ZMIZ1: variants seen among roughly 807,000 people sequenced by gnomAD.
ZMIZ1 encodes zinc finger MIZ-type containing 1.
ZMIZ1 carries 17 observed loss-of-function variants against 113.9 expected under a neutral mutation model. The ratio of observed to expected loss-of-function variants is 0.15; its 90% CI spans 0.10 to 0.22. ZMIZ1 has a LOEUF of 0.22. Among genes scored for constraint, ZMIZ1 ranks in the 10% least tolerant of loss-of-function variants. ZMIZ1 has a pLI of 1.00. For synonymous variants in ZMIZ1, 607 were observed against 603.1 expected (o/e 1.01, Z -0.09); for missense variants, 1,059 against 1,477.8 (o/e 0.72, Z 4.65).
chr10:79,243,024 CG>C (rs1849939796), intron 7 of ZMIZ1, among the ~76,000 whole-genome samples: 1 of 122,258 alleles, frequency 8.2e-6, no homozygotes, highest in Non-Finnish European at 1.8e-5. Flanking sequence ...GCTCGCGGGG[CG>C]GGGAGGGCGC....
intron 18 of ZMIZ1, 152 bp downstream of exon 18, chr10:79,302,364 G>A: frequency 1.4e-6 from 1 of 734,550 alleles, no homozygotes; most frequent in Non-Finnish European, 2.3e-6. Flanking sequence ...CCTGTCCTGA[G>A]GCTCATGCCC....
chr10:79,290,189 C>T lies in ZMIZ1; in HGVS notation c.540+300C>T, dbSNP rs75386684. Among the ~76,000 whole-genome samples the T allele has an allele frequency of 2.1e-3, 317 of 152,324 alleles. 1 individual carries two copies. The highest frequency in any genetic ancestry group is 7.3e-3 in the African/African-American group (304 of 41,566). ...GCTCTGGTAAACAGGAGAACTTCCT[C>T]TGTGTTACTGGCTTCAGGGCTCCAA... On this transcript the variant is annotated intron_variant, in intron 9 of 24. Coordinates refer to ENST00000334512, the MANE Select transcript of ZMIZ1 (RefSeq NM_020338.4).
chr10:79,223,294 C>T (rs1305613385), intron 7 of ZMIZ1, among the ~76,000 whole-genome samples: 1 of 152,238 alleles, frequency 6.6e-6, no homozygotes. Flanking sequence ...TACCAGCTGC[C>T]GGTGCCCCAG....
At chr10:79,189,588 G>T (rs1847511996) in intron 4 of ZMIZ1, among the ~76,000 whole-genome samples, 1 of 152,222 alleles carries the variant, frequency 6.6e-6, no homozygotes, top group Admixed American at 6.5e-5. Flanking sequence ...AAGCCAGCAA[G>T]TGTCAGAGCC....
At chr10:79,180,235 C>A (rs1376578524) in intron 4 of ZMIZ1, among the ~76,000 whole-genome samples, 2 of 152,134 alleles carry the variant, frequency 1.3e-5, no homozygotes, top group Non-Finnish European at 2.9e-5. Context: ...CTGTGCACAC[C>A]CAAGCACACC....
chr10:79,172,069 C>T (rs1298669637), intron 4 of ZMIZ1, among the ~76,000 whole-genome samples: 1 of 152,156 alleles, frequency 6.6e-6, no homozygotes, highest in Non-Finnish European at 1.5e-5. Flanking sequence ...GGTCAGGAAG[C>T]AGCAGGGATG....
chr10:79,137,542 G>T (rs900927344), intron 2 of ZMIZ1, among the ~76,000 whole-genome samples: 1 of 152,174 alleles, frequency 6.6e-6, no homozygotes, highest in East Asian at 1.9e-4. Flanking sequence ...GGGTGGGGCC[G>T]TGGGAAGCAG....
At chr10:79,271,161 C>T (rs1021126083) in intron 7 of ZMIZ1, among the ~76,000 whole-genome samples, 1 of 152,186 alleles carries the variant, frequency 6.6e-6, no homozygotes, top group Non-Finnish European at 1.5e-5. Flanking sequence ...CTACTCAGGG[C>T]CCCCACCATC....
rs1314383090 is a variant in ZMIZ1, at chr10:79,292,137, TC to T, written c.759-19del. 39 of 1,594,406 alleles carry T rather than the reference TC, an allele frequency of 2.4e-5. No individual in the cohort carries two copies. Among genetic ancestry groups the T allele is most frequent in the Non-Finnish European group, 3.0e-5 (35 of 1,167,008 alleles). ...TCAGATGCAGGCAGTACCTAACTCT[TC>T]CACCCTTCTCCCCCTGCAGTTACCC... On this transcript the variant is annotated intron_variant, in intron 10 of 24. Transcript: ENST00000334512.
intron 1 of ZMIZ1, among the ~76,000 whole-genome samples, chr10:79,087,072 C>T (rs2132210622): frequency 6.6e-6 from 1 of 152,348 alleles, no homozygotes; most frequent in South Asian, 2.1e-4. Context: ...TTTTATCTGC[C>T]TTTCCTACCT....
chr10:79,138,559 A>G (rs1159487302), intron 2 of ZMIZ1, among the ~76,000 whole-genome samples: 1 of 152,170 alleles, frequency 6.6e-6, no homozygotes, highest in East Asian at 1.9e-4. Context: ...TGCTAGAAAG[A>G]GAGACAGTAC....
intron 7 of ZMIZ1, among the ~76,000 whole-genome samples, chr10:79,221,307 G>A (rs917932179): frequency 2.6e-5 from 4 of 152,184 alleles, no homozygotes; most frequent in African/African-American, 7.2e-5. Flanking sequence ...GGGAGAGTGC[G>A]CAGGAGGCGA....
intron 5 of ZMIZ1, among the ~76,000 whole-genome samples, chr10:79,204,454 G>T (rs931376393): frequency 6.6e-6 from 1 of 152,196 alleles, no homozygotes; most frequent in Non-Finnish European, 1.5e-5. Context: ...CTCAGCAGCT[G>T]CCCTGAACCC....
At chr10:79,208,185 G>A (rs1848409290) in intron 5 of ZMIZ1, 151 bp from the exon 6 acceptor site, 2 of 629,304 alleles carry the variant, frequency 3.2e-6, no homozygotes, top group Admixed American at 2.8e-5. Context: ...AATCGAGCAT[G>A]AGGAAACTTA....
intron 4 of ZMIZ1, among the ~76,000 whole-genome samples, chr10:79,188,892 C>T (rs763644610): frequency 1.9e-4 from 29 of 152,340 alleles, no homozygotes; most frequent in Admixed American, 1.6e-3. Context: ...CAGAGGAGGA[C>T]AGAAGATGCA....
intron 7 of ZMIZ1, among the ~76,000 whole-genome samples, chr10:79,264,631 A>C (rs776168551): frequency 6.6e-6 from 1 of 152,214 alleles, no homozygotes; most frequent in Non-Finnish European, 1.5e-5. Context: ...ACTGAGGCAC[A>C]GTATCTAGTT....
chr10:79,189,262 A>G (rs767639905), intron 4 of ZMIZ1, among the ~76,000 whole-genome samples: 1 of 152,128 alleles, frequency 6.6e-6, no homozygotes, highest in Admixed American at 6.5e-5. Context: ...ACCACCCAGG[A>G]CTTCTGAGGC....
At chr10:79,303,454 CAAAA>C (rs34154193) in intron 18 of ZMIZ1, among the ~76,000 whole-genome samples, 2 of 65,942 alleles carry the variant, frequency 3.0e-5, no homozygotes. Flanking sequence ...GACACTGCCA[CAAAA>C]AAAAAAAAAA....
intron 6 of ZMIZ1, among the ~76,000 whole-genome samples, chr10:79,214,219 A>G (rs1414704673): frequency 6.6e-6 from 1 of 152,144 alleles, no homozygotes; most frequent in African/African-American, 2.4e-5. Context: ...TATGGTGAGG[A>G]TGTCCCAGAG....
Sources: allele counts gnomAD v4.1 joint callset (sites outside exome capture counted in the v4.1 genomes callset), GRCh38; gene constraint gnomAD v4.1.1; transcripts MANE v1.5; gene names NCBI Gene and HGNC (gene_info 2026-07-23, HGNC 2026-07-21).